Variants in IER3IP1 observed in about 807,000 individuals in gnomAD.
The protein encoded by IER3IP1 is immediate early response 3 interacting protein 1.
A neutral mutation model predicts 12.2 loss-of-function variants in IER3IP1; 16 were observed. The observed-to-expected ratio is 1.31, with a 90% CI of 0.89 to 1.99. The LOEUF (loss-of-function observed/expected upper bound fraction) is 1.99. IER3IP1 is among the 30% of genes most tolerant of loss of function. The pLI is 0.00. For synonymous variants in IER3IP1, 42 were observed against 40.0 expected, an observed-to-expected ratio of 1.05 and a Z score of -0.19; for missense variants, 95 against 95.8, an observed-to-expected ratio of 0.99 and a Z score of 0.03.
intron 1 of IER3IP1, among the ~76,000 whole-genome samples, chr18:47,167,712 C>T (rs909937180): frequency 1.3e-5 from 2 of 152,138 alleles, no homozygotes; most frequent in African/African-American, 4.8e-5. Context: ...ACTTATTATT[C>T]TCCAATTAGC....
intron 2 of IER3IP1, 99 bp downstream of exon 2, chr18:47,157,337 C>G (rs1048508683): frequency 2.0e-5 from 19 of 953,974 alleles, no homozygotes; most frequent in Non-Finnish European, 3.0e-5. Flanking sequence ...AAAAAAAATT[C>G]CCACTACAAA....
Position 47,153,780 on chromosome 18 carries a change from T to C in IER3IP1, c.*2397A>G, listed in dbSNP as rs2063949135. 6.6e-6 allele frequency: 1 copy of C among 152,226 alleles called. No individual in the cohort carries two copies. Among genetic ancestry groups the C allele is most frequent in the South Asian group, 2.1e-4 (1 of 4,834 alleles). The allele number at this position is 152,226 out of a possible 1,614,324, so 9.4% of individuals were successfully genotyped here. On this transcript the variant is annotated 3_prime_UTR_variant, in exon 3 of 3. Transcript: ENST00000256433. The stretch of plus-strand genomic sequence containing the variant: ...TTATAAGATACTTTTTAGCTATATT[T>C]TTGAAAATTTAGGGTTTTATGGAAA...
chr18:47,176,333 A>G lies in IER3IP1; in HGVS notation c.-56T>C. Reference sequence around the variant, plus strand: ...GATTTCTCTCCCGCCGCCGCAAGGGACGTGGCGCCTCCACGGCCGGCGCCT... The same window carrying G: ...GATTTCTCTCCCGCCGCCGCAAGGGGCGTGGCGCCTCCACGGCCGGCGCCT... On this transcript the variant is annotated 5_prime_UTR_variant, in exon 1 of 3. Coordinates refer to ENST00000256433, the MANE Select transcript of IER3IP1 (RefSeq NM_016097.5). 3 of 1,484,616 alleles carry G rather than the reference A, an allele frequency of 2.0e-6. No homozygotes were observed. The highest frequency in any genetic ancestry group is 2.8e-6 in the Non-Finnish European group (3 of 1,085,418). The allele number at this position is 1,484,616 out of a possible 1,614,324, so 92.0% of individuals were successfully genotyped here. A position where few individuals can be genotyped will look rare whatever the true frequency, so the allele number is the denominator to read the frequency against.
intron 1 of IER3IP1, among the ~76,000 whole-genome samples, chr18:47,162,127 C>T (rs1270299942): frequency 1.3e-5 from 2 of 151,756 alleles, no homozygotes; most frequent in Non-Finnish European, 2.9e-5. Context: ...CTAATAGGTC[C>T]GTGAGAGTAA....
intron 1 of IER3IP1, among the ~76,000 whole-genome samples, chr18:47,161,918 T>C (rs1251040266): frequency 6.6e-6 from 1 of 151,672 alleles, no homozygotes; most frequent in Non-Finnish European, 1.5e-5. Flanking sequence ...CATTAGATTC[T>C]TACAAGGAGT....
intron 1 of IER3IP1, among the ~76,000 whole-genome samples, chr18:47,159,314 G>A (rs369315439): frequency 6.6e-6 from 1 of 152,164 alleles, no homozygotes; most frequent in Non-Finnish European, 1.5e-5. Context: ...ATTGACCAAA[G>A]AGCCAAGATA....
chr18:47,159,659 G>A (rs1460291596), intron 1 of IER3IP1, among the ~76,000 whole-genome samples: 2 of 152,174 alleles, frequency 1.3e-5, no homozygotes, highest in African/African-American at 4.8e-5. Context: ...ATGTGATAAT[G>A]TGTTATTACA....
At chr18:47,175,182 T>C (rs924469281) in intron 1 of IER3IP1, among the ~76,000 whole-genome samples, 2 of 152,238 alleles carry the variant, frequency 1.3e-5, no homozygotes, top group South Asian at 2.1e-4. Context: ...CAAACGGGCA[T>C]ACTTGGTACA....
At chr18:47,161,307 T>C (rs2063979266) in intron 1 of IER3IP1, among the ~76,000 whole-genome samples, 1 of 152,238 alleles carries the variant, frequency 6.6e-6, no homozygotes, top group Admixed American at 6.5e-5. Context: ...AGGGCTGTTG[T>C]TGACTCCTAC....
rs774738719 is a variant in IER3IP1, at chr18:47,176,269, A to G, written c.9T>C (p.Phe3=). The change falls in exon 1 of 3, where the codon TTT becomes TTC. Residue 3 remains phenylalanine, a synonymous_variant. Transcript: ENST00000256433. Reference sequence around the variant, plus strand: ...CTGCCTGCAGCAGTGAGTACAGGGTAAAGGCCATGGCCGTCCGAGGCCGCC... The same window carrying G: ...CTGCCTGCAGCAGTGAGTACAGGGTGAAGGCCATGGCCGTCCGAGGCCGCC... MA[F]TLYSLLQAAL... 6.2e-7 allele frequency: 1 copy of G among 1,608,850 alleles called. No individual in the cohort carries two copies.
chr18:47,171,197 C>T (rs2064014254), intron 1 of IER3IP1, among the ~76,000 whole-genome samples: 1 of 152,118 alleles, frequency 6.6e-6, no homozygotes, highest in Non-Finnish European at 1.5e-5. Flanking sequence ...TTAAACCAAT[C>T]CTGTACTCCC....
intron 1 of IER3IP1, among the ~76,000 whole-genome samples, chr18:47,166,920 G>A (rs1310143686): frequency 6.6e-6 from 1 of 152,000 alleles, no homozygotes; most frequent in Non-Finnish European, 1.5e-5. Context: ...CCCTTAATTT[G>A]GAGACCACAT....
rs537535621 is a variant in IER3IP1 at position 47,176,317 on chromosome 18, C to T, written c.-40G>A. ...GCCCCGAAGTCCAAGCGATTTCTCT[C>T]CCGCCGCCGCAAGGGACGTGGCGCC... is the stretch of plus-strand genomic sequence containing the variant. On this transcript the variant is annotated 5_prime_UTR_variant, in exon 1 of 3. Transcript: ENST00000256433. The T allele has an allele frequency of 4.5e-6, 7 of 1,540,574 alleles. No homozygotes were observed. Among genetic ancestry groups the T allele is most frequent in the Non-Finnish European group, 6.2e-6 (7 of 1,131,640 alleles).
chr18:47,167,039 A>C (rs1488764837), intron 1 of IER3IP1, among the ~76,000 whole-genome samples: 1 of 151,972 alleles, frequency 6.6e-6, no homozygotes, highest in Non-Finnish European at 1.5e-5. Context: ...GGGCCATTCT[A>C]ATAGTTTGTA....
chr18:47,161,235 T>G (rs916534067), intron 1 of IER3IP1, among the ~76,000 whole-genome samples: 1 of 152,236 alleles, frequency 6.6e-6, no homozygotes, highest in African/African-American at 2.4e-5. Context: ...TAATGGTTGT[T>G]TGCTTTTTTG....
chr18:47,171,110 A>G (rs1315998726), intron 1 of IER3IP1, among the ~76,000 whole-genome samples: 1 of 152,094 alleles, frequency 6.6e-6, no homozygotes, highest in East Asian at 1.9e-4. Context: ...GATTTTTGTC[A>G]AATGCCTTTC....
chr18:47,157,247 TTAGA>T (rs2063963872), intron 2 of IER3IP1, 185 bp downstream of exon 2: 2 of 610,504 alleles, frequency 3.3e-6, no homozygotes, highest in Admixed American at 2.9e-5. Flanking sequence ...ACCAACTGGC[TTAGA>T]TAGAAGTAAG....
At chr18:47,175,972 A>C (rs1017418843) in intron 1 of IER3IP1, among the ~76,000 whole-genome samples, 1 of 151,904 alleles carries the variant, frequency 6.6e-6, no homozygotes, top group Non-Finnish European at 1.5e-5. Context: ...CCTCCACCCC[A>C]ACCCCCTGGG....
At chr18:47,164,378 G>A (rs946613855) in intron 1 of IER3IP1, among the ~76,000 whole-genome samples, 1 of 151,964 alleles carries the variant, frequency 6.6e-6, no homozygotes, top group Admixed American at 6.6e-5. Context: ...AAGATCAGGG[G>A]CCAGGGATTA....
Sources: gnomAD v4.1 joint callset for allele counts (sites outside exome capture counted in the v4.1 genomes callset) on GRCh38, gnomAD v4.1.1 for gene constraint, MANE v1.5 for transcripts, NCBI Gene and HGNC (gene_info 2026-07-23, HGNC 2026-07-21) for gene names.